Variants in SDHA observed in about 807,000 individuals in gnomAD.
The protein encoded by SDHA is succinate dehydrogenase [ubiquinone] flavoprotein subunit, mitochondrial.
SDHA carries 48 observed loss-of-function variants against 78.4 expected under a neutral mutation model. The observed-to-expected ratio is 0.61, with a 90% CI of 0.49 to 0.78. The LOEUF (loss-of-function observed/expected upper bound fraction) is 0.78. SDHA is among the 30% of genes least tolerant of loss of function. The probability of loss-of-function intolerance (pLI) is 0.00; values close to 1 mark genes in which losing one functional copy is unlikely to be tolerated. For synonymous variants in SDHA, 326 were observed against 353.9 expected (o/e 0.92, Z 0.88); for missense variants, 680 against 892.7 (o/e 0.76, Z 3.04).
rs555342133 is a variant in SDHA, at chr5:236,520, C to T, written c.1353C>T (p.Arg451=). The change falls in exon 10 of 15, where the codon CGC becomes CGT. Residue 451 remains arginine, a synonymous_variant. Coordinates refer to ENST00000264932, the MANE Select transcript of SDHA (RefSeq NM_004168.4). ...AACASVHGAN[R]LGANSLLDLV... ...GTGCCTCGGTACATGGTGCCAACCG[C>T]CTCGGGGCAAACTCGCTCTTGGACC... is the stretch of plus-strand genomic sequence containing the variant. The T allele has an allele frequency of 6.2e-7, 1 of 1,614,052 alleles. No homozygotes were observed. The highest frequency in any genetic ancestry group is 8.5e-7 in the Non-Finnish European group (1 of 1,179,876).
At chr5:268,269 G>A in the SDHA span, among the ~76,000 whole-genome samples, 33 of 151,294 alleles carry the variant, frequency 2.2e-4, no homozygotes, top group Middle Eastern at 3.4e-3. Context: ...TGCAAGCTCC[G>A]CCTCCCGGGT....
At chr5:234,606 C>G (rs1735648183) in intron 8 of SDHA, 1 of 171,884 alleles carries the variant, frequency 5.8e-6, no homozygotes, top group South Asian at 1.4e-4. Flanking sequence ...AGTGTAACAG[C>G]TATTTACGTA....
chr5:242,456 G>C (rs965889675), intron 11 of SDHA, among the ~76,000 whole-genome samples: 2 of 152,198 alleles, frequency 1.3e-5, no homozygotes, highest in Non-Finnish European at 2.9e-5. Context: ...TTTGTTTCCC[G>C]TAAGGAATAC....
At chr5:219,834 G>A (rs1734613161) in intron 1 of SDHA, among the ~76,000 whole-genome samples, 1 of 152,202 alleles carries the variant, frequency 6.6e-6, no homozygotes, top group South Asian at 2.1e-4. Flanking sequence ...AGCGGCGGAG[G>A]CACCTCAGAC....
intron 13 of SDHA, among the ~76,000 whole-genome samples, chr5:252,307 C>T (rs111659565): frequency 8.2e-6 from 1 of 122,524 alleles, no homozygotes; most frequent in South Asian, 2.4e-4. Flanking sequence ...AGTAAGCCAC[C>T]GTTTCAAGCC....
rs1579444768 is a variant in SDHA, at chr5:254,325, G to A, written c.1795-68G>A. ...CATCTGTCTCTTAGATCATGTTAAT[G>A]TCTGCTGTGTTTTTTCTGTATTGCT... On this transcript the variant is annotated intron_variant, in intron 13 of 14. Transcript: ENST00000264932. 3 of 1,412,646 alleles carry A rather than the reference G, an allele frequency of 2.1e-6. No homozygotes were observed. In the East Asian group the frequency reaches 7.8e-5, roughly 37 times the overall value. The allele number at this position is 1,412,646 out of a possible 1,614,324, so 87.5% of individuals were successfully genotyped here.
chr5:231,062 G>A lies in SDHA; in HGVS notation c.895+62G>A. 3 of 1,577,198 alleles carry A rather than the reference G, an allele frequency of 1.9e-6. No individual in the cohort carries two copies. The South Asian group carries it at 3.3e-5, about 17-fold the overall frequency. On this transcript the variant is annotated intron_variant, in intron 7 of 14. Coordinates refer to ENST00000264932, the MANE Select transcript of SDHA (RefSeq NM_004168.4). ...TGTGTGTGTCTTGTAAGCATGTGATGCCTACTCATTGCTCTTCCATAGTTT... is the reference window on the plus strand; with the variant it reads ...TGTGTGTGTCTTGTAAGCATGTGATACCTACTCATTGCTCTTCCATAGTTT...
Position 254,427 on chromosome 5 carries a change from T to A in SDHA, c.1829T>A (p.Ile610Asn). ...GATGAGTACGATTACTCCAAGCCCA[T>A]CCAGGGGCAACAGAAGAAGCCCTTT... ...RIDEYDYSKPIQGQQKKPFEE... is the reference protein window; with the variant it reads ...RIDEYDYSKPNQGQQKKPFEE... The change falls in exon 14 of 15, where the codon ATC becomes AAC. Residue 610 changes from isoleucine (I) to asparagine (N), a missense_variant. Transcript: ENST00000264932. The A allele has an allele frequency of 2.5e-6, 4 of 1,603,606 alleles. No homozygotes were observed. The highest frequency in any genetic ancestry group is 3.4e-6 in the Non-Finnish European group (4 of 1,175,232).
intron 1 of SDHA, among the ~76,000 whole-genome samples, chr5:218,858 T>A (rs1734544187): frequency 6.6e-6 from 1 of 152,000 alleles, no homozygotes; most frequent in South Asian, 2.1e-4. Flanking sequence ...GTGCGGGTTG[T>A]CCTGAGGAGC....
chr5:267,029 A>G, the SDHA span, among the ~76,000 whole-genome samples: 1 of 152,204 alleles, frequency 6.6e-6, no homozygotes, highest in African/African-American at 2.4e-5. Context: ...AGAAAGTTCC[A>G]TCAGCCAGCA....
At chr5:251,312 CCT>C in intron 12 of SDHA, 24 bp from the exon 13 acceptor site, 1 of 1,609,400 alleles carries the variant, frequency 6.2e-7, no homozygotes, top group Admixed American at 1.7e-5. Context: ...CCCGCCTGCC[CCT>C]GATGGAACTT....
chr5:235,518 A>G (rs1263948955), intron 9 of SDHA, 179 bp downstream of exon 9: 7 of 681,026 alleles, frequency 1.0e-5, no homozygotes, highest in Non-Finnish European at 1.8e-5. Flanking sequence ...GGGCTTAATA[A>G]TTTATTCCTC....
In SDHA at chr5:235,229, T is replaced by G. The variant is rs776888362; in HGVS notation, c.1150T>G (p.Ser384Ala). 5.6e-6 allele frequency: 9 copies of G among 1,613,868 alleles called. No individual in the cohort carries two copies. The highest frequency in any genetic ancestry group is 7.6e-6 in the Non-Finnish European group (9 of 1,179,894). Residue 384 changes from serine to alanine, a missense_variant, in exon 9 of 15, where the codon TCA becomes GCA. By Grantham distance (99) the Ser-to-Ala change is moderately conservative. Transcript: ENST00000264932. ...EQLATRLPGI[S>A]ETAMIFAGVD... ...GCTGGCCACGCGCCTGCCTGGCATT[T>G]CAGAGACAGCCATGATCTTCGCTGG...
At chr5:233,277 C>G (rs2126576153) in intron 7 of SDHA, among the ~76,000 whole-genome samples, 200 bp from the exon 8 acceptor site, 1 of 152,342 alleles carries the variant, frequency 6.6e-6, no homozygotes, top group East Asian at 1.9e-4. Flanking sequence ...CCAGCCTCTG[C>G]TGCAGCTGTC....
At chr5:263,804 A>G in the SDHA span, among the ~76,000 whole-genome samples, 1 of 152,238 alleles carries the variant, frequency 6.6e-6, no homozygotes, top group African/African-American at 2.4e-5. Flanking sequence ...ATTTGGCAGC[A>G]TCTAACAAAA....
chr5:246,117 C>T (rs775284541), intron 11 of SDHA, among the ~76,000 whole-genome samples: 2 of 152,102 alleles, frequency 1.3e-5, no homozygotes, highest in Admixed American at 1.3e-4. Flanking sequence ...TGCAGCTGAT[C>T]GAAAAGCAAG....
At chr5:228,786 G>A (rs1422718691) in intron 6 of SDHA, among the ~76,000 whole-genome samples, 7 of 152,050 alleles carry the variant, frequency 4.6e-5, no homozygotes, top group African/African-American at 1.7e-4. Flanking sequence ...AAGTTAAAAA[G>A]TGTCAGTACA....
At chr5:252,592 G>GCCACCGTTTCATA (rs1736914090) in intron 13 of SDHA, among the ~76,000 whole-genome samples, 1 of 135,066 alleles carries the variant, frequency 7.4e-6, no homozygotes, top group African/African-American at 3.1e-5. Context: ...ACCGTTTTAA[G>GCCACCGTTTCATA]CCTGTCCTGT....
At chr5:265,295 C>T in the SDHA span, among the ~76,000 whole-genome samples, 3 of 152,192 alleles carry the variant, frequency 2.0e-5, no homozygotes, top group Admixed American at 6.5e-5. Context: ...TCTGTTGTTC[C>T]TTTCACATAG....
Sources: gnomAD v4.1 joint callset for allele counts (sites outside exome capture counted in the v4.1 genomes callset) on GRCh38, gnomAD v4.1.1 for gene constraint, MANE v1.5 for transcripts, NCBI Gene and HGNC (gene_info 2026-07-23, HGNC 2026-07-21) for gene names.